The following ITK variants were observed in gnomAD, a reference collection of about 807,000 sequenced individuals.
ITK encodes tyrosine-protein kinase ITK/TSK.
In ITK, 45 loss-of-function variants were observed where a neutral mutation model predicts 87.6. The ratio of observed to expected loss-of-function variants is 0.51; its 90% CI spans 0.40 to 0.66. ITK has a LOEUF of 0.66. Ranked by LOEUF, ITK falls within the 30% of genes least tolerant of loss-of-function variation. The pLI is 0.00. For missense variants in ITK, 605 were observed against 766.3 expected, an observed-to-expected ratio of 0.79 and a Z score of 2.48; for synonymous variants, 303 against 273.6, an observed-to-expected ratio of 1.11 and a Z score of -1.06.
At chr5:157,252,496 A>G (rs1755160205) in intron 16 of ITK, 111 bp from the exon 17 acceptor site, 1 of 796,174 alleles carries the variant, frequency 1.3e-6, no homozygotes, top group South Asian at 1.4e-5. Context: ...TCAACATGGA[A>G]GCACATACAA....
intron 13 of ITK, 99 bp downstream of exon 13, chr5:157,244,577 A>T: frequency 2.6e-6 from 2 of 775,360 alleles, no homozygotes; most frequent in South Asian, 1.5e-5. Flanking sequence ...ATTACAGATA[A>T]TCTCCTTTCC....
At chr5:157,203,386 CTG>C (rs1754013536) in intron 1 of ITK, among the ~76,000 whole-genome samples, 2 of 152,214 alleles carry the variant, frequency 1.3e-5, no homozygotes, top group Non-Finnish European at 2.9e-5. Flanking sequence ...TTAAGCTCCA[CTG>C]AGGGCCAGCC....
chr5:157,190,804 G>A (rs989868596), intron 1 of ITK, among the ~76,000 whole-genome samples: 6 of 152,242 alleles, frequency 3.9e-5, no homozygotes, highest in Non-Finnish European at 7.3e-5. Context: ...CTTGGCTTGC[G>A]TGAGGAACAG....
At chr5:157,199,916 A>C (rs1753931943) in intron 1 of ITK, 1 of 152,190 alleles carries the variant, frequency 6.6e-6, no homozygotes, top group Non-Finnish European at 1.5e-5. Flanking sequence ...TCTATCAAGC[A>C]ATGCACATTT....
intron 6 of ITK, 100 bp from the exon 7 acceptor site, chr5:157,228,196 A>G: frequency 1.3e-6 from 1 of 784,238 alleles, no homozygotes; most frequent in Non-Finnish European, 2.2e-6. Context: ...AAATAATGTG[A>G]TATTCCCCAA....
rs574988654 is a variant in ITK at position 157,204,398 on chromosome 5, T to A, written c.139-4491T>A. Among the ~76,000 whole-genome samples, 5 of 151,710 alleles carry A rather than the reference T, an allele frequency of 3.3e-5. No individual in the cohort carries two copies. The South Asian group carries it at 1.0e-3, about 32-fold the overall frequency. The stretch of plus-strand genomic sequence containing the variant: ...CAACATGGTGAAACCCCATCTCTAC[T>A]AAAATACAAAAAAAATTGGGGACCA... On this transcript the variant is annotated intron_variant, in intron 1 of 16. Coordinates refer to ENST00000422843, the MANE Select transcript of ITK (RefSeq NM_005546.4).
chr5:157,191,446 T>C (rs1652786463), intron 1 of ITK, among the ~76,000 whole-genome samples: 1 of 152,232 alleles, frequency 6.6e-6, no homozygotes, highest in Non-Finnish European at 1.5e-5. Flanking sequence ...AGGAATATTC[T>C]GATCCTCATA....
intron 7 of ITK, among the ~76,000 whole-genome samples, chr5:157,229,453 C>T (rs36089357): frequency 0.016 from 2,488 of 152,194 alleles, 27 homozygotes; most frequent in Non-Finnish European, 0.027. Context: ...GATATTCCTG[C>T]TCAAAAAATG....
chr5:157,203,644 C>A (rs934574198), intron 1 of ITK, among the ~76,000 whole-genome samples: 1 of 152,238 alleles, frequency 6.6e-6, no homozygotes, highest in Non-Finnish European at 1.5e-5. Flanking sequence ...AAAGGCAGCT[C>A]CGCTGTGCTC....
intron 1 of ITK, among the ~76,000 whole-genome samples, chr5:157,186,962 C>G (rs1753658359): frequency 6.6e-6 from 1 of 152,220 alleles, no homozygotes; most frequent in Non-Finnish European, 1.5e-5. Context: ...AGCGGCTCTC[C>G]CCATTGCCCT....
At position 157,238,106 on chromosome 5, in the gene ITK, C is replaced by G; in HGVS notation, c.769-3C>G. The G allele has an allele frequency of 6.2e-7, 1 of 1,610,606 alleles. No individual in the cohort carries two copies. The highest frequency in any genetic ancestry group is 8.5e-7 in the Non-Finnish European group (1 of 1,176,888). ...AACTTTCCATTCTTTCTAACCATTC[C>G]AGGGCAAAGAAGGAGCCTTCATGGT... On this transcript the variant is annotated splice_polypyrimidine_tract_variant and splice_region_variant and intron_variant, in intron 8 of 16. Transcript: ENST00000422843.
Position 157,254,423 on chromosome 5 carries a change from GTTC to G in ITK, c.*1749_*1751del, listed in dbSNP as rs1755210624. 4.5e-6 allele frequency: 1 copy of G among 222,608 alleles called. No individual in the cohort carries two copies. Among genetic ancestry groups the G allele is most frequent in the Admixed American group, 5.7e-5 (1 of 17,434 alleles). The allele number at this position is 222,608 out of a possible 1,614,324, so 13.8% of individuals were successfully genotyped here. Reference sequence around the variant, plus strand: ...AAAAGATTCTTCTGTAGAAGTATGAGTTCTTCCTTTAATTATCATTCCAACTTT... The same window carrying G: ...AAAAGATTCTTCTGTAGAAGTATGAGTTCCTTTAATTATCATTCCAACTTT... On this transcript the variant is annotated 3_prime_UTR_variant, in exon 17 of 17. Coordinates refer to ENST00000422843, the MANE Select transcript of ITK (RefSeq NM_005546.4).
intron 1 of ITK, among the ~76,000 whole-genome samples, chr5:157,207,856 A>G (rs34658030): frequency 0.016 from 2,499 of 152,318 alleles, 29 homozygotes; most frequent in Non-Finnish European, 0.027. Context: ...TATCCTGTGT[A>G]CAACAGAAAA....
chr5:157,200,268 A>G (rs1191519598), intron 1 of ITK, among the ~76,000 whole-genome samples: 3 of 151,118 alleles, frequency 2.0e-5, no homozygotes, highest in Non-Finnish European at 4.4e-5. Flanking sequence ...AGGATGGCAT[A>G]TCTTTGAACG....
chr5:157,218,570 C>T (rs1039794016), intron 5 of ITK, among the ~76,000 whole-genome samples: 2 of 151,004 alleles, frequency 1.3e-5, no homozygotes, highest in Non-Finnish European at 2.9e-5. Context: ...TGGAGACATA[C>T]ATTTGTTGAT....
Position 157,254,486 on chromosome 5 carries a change from G to A in ITK, c.*1808G>A, listed in dbSNP as rs1755212607. The A allele has an allele frequency of 4.5e-6, 1 of 220,614 alleles. No homozygotes were observed. Among genetic ancestry groups the A allele is most frequent in the Non-Finnish European group, 9.1e-6 (1 of 110,140 alleles). The allele number at this position is 220,614 out of a possible 1,614,324, so 13.7% of individuals were successfully genotyped here. On this transcript the variant is annotated 3_prime_UTR_variant, in exon 17 of 17. Coordinates refer to ENST00000422843, the MANE Select transcript of ITK (RefSeq NM_005546.4). ...TCTTCTTGAACACTTCATGAGGAGG[G>A]ACATTCCCTGATATAAGAGAGGATG...
intron 11 of ITK, 148 bp from the exon 12 acceptor site, chr5:157,243,475 T>C (rs1754955178): frequency 1.4e-6 from 1 of 738,660 alleles, no homozygotes; most frequent in Non-Finnish European, 2.4e-6. Flanking sequence ...CCTATGTTAT[T>C]ATGTGGGAAA....
At chr5:157,185,414 T>A (rs914323047) in intron 1 of ITK, among the ~76,000 whole-genome samples, 41 of 150,642 alleles carry the variant, frequency 2.7e-4, no homozygotes, top group Admixed American at 3.3e-4. Context: ...AATTTTTGTA[T>A]TTTTTTTTAG....
intron 10 of ITK, 96 bp downstream of exon 10, chr5:157,240,291 C>T: frequency 8.5e-7 from 1 of 1,173,726 alleles, no homozygotes; most frequent in Middle Eastern, 1.9e-4. Flanking sequence ...TCTGTCAGAT[C>T]AGCGTCATTA....
Sources: gnomAD v4.1 joint callset for allele counts (sites outside exome capture counted in the v4.1 genomes callset) on GRCh38, gnomAD v4.1.1 for gene constraint, MANE v1.5 for transcripts, NCBI Gene and HGNC (gene_info 2026-07-23, HGNC 2026-07-21) for gene names.